The following TMED7 variants were observed in gnomAD, a reference collection of about 807,000 sequenced individuals.
TMED7 encodes transmembrane p24 trafficking protein 7.
In TMED7, 8 loss-of-function variants were observed where a neutral mutation model predicts 23.4. The observed-to-expected ratio is 0.34, with a 90% CI of 0.20 to 0.62. TMED7 has a LOEUF of 0.62. Among genes scored for constraint, TMED7 ranks in the 20% least tolerant of loss-of-function variants. The probability of loss-of-function intolerance (pLI) is 0.77; values close to 1 mark genes in which losing one functional copy is unlikely to be tolerated. For synonymous variants in TMED7, 121 were observed against 108.5 expected (o/e 1.12, Z -0.72); for missense variants, 232 against 279.1 (o/e 0.83, Z 1.20).
intron 2 of TMED7, among the ~76,000 whole-genome samples, chr5:115,619,527 G>A (rs1403236454): frequency 1.3e-5 from 2 of 152,116 alleles, no homozygotes; most frequent in Admixed American, 6.5e-5. Flanking sequence ...TATCCAAAAT[G>A]TTTGGGACCA....
rs1756557487 is a variant in TMED7 at position 115,613,583 on chromosome 5, G to A, written c.*2626C>T. The A allele has an allele frequency of 6.6e-6, 1 of 151,948 alleles. No homozygotes were observed. Among genetic ancestry groups the A allele is most frequent in the Non-Finnish European group, 1.5e-5 (1 of 67,910 alleles). 9.4% of individuals were successfully genotyped at this position (151,948 alleles called of 1,614,324 possible). ...AAGAAATTTCTTTTCAAAAGTAAAT[G>A]AAAAACCCCTCTGAATTATTTATAT... On this transcript the variant is annotated 3_prime_UTR_variant, in exon 3 of 3. Transcript: ENST00000456936.
intron 2 of TMED7, among the ~76,000 whole-genome samples, chr5:115,617,976 T>C (rs1756852190): frequency 6.6e-6 from 1 of 152,204 alleles, no homozygotes; most frequent in Non-Finnish European, 1.5e-5. Context: ...GTATTTTTAG[T>C]AGAAACAGGG....
chr5:115,625,451 A>G, intron 1 of TMED7, 150 bp downstream of exon 1: 3 of 873,290 alleles, frequency 3.4e-6, no homozygotes, highest in Non-Finnish European at 4.8e-6. Flanking sequence ...TATTAGAGGA[A>G]AGTCAAATGC....
chr5:115,625,603 G>A lies in TMED7; in HGVS notation c.190C>T (p.Gln64Ter). 1 of 1,580,420 alleles carries A rather than the reference G, an allele frequency of 6.3e-7. No individual in the cohort carries two copies. The highest frequency in any genetic ancestry group is 8.6e-7 in the Non-Finnish European group (1 of 1,163,278). The change falls in exon 1 of 3, where the codon CAG (glutamine) becomes TAG (stop). Residue 64 changes from glutamine (Q) to a stop codon, truncating the protein, a stop_gained and splice_region_variant. Coordinates refer to ENST00000456936, the MANE Select transcript of TMED7 (RefSeq NM_181836.6). LOFTEE classifies it high-confidence loss of function. ...AQGTKCTLEF[Q>*]VITGGHYDVD... Reference sequence around the variant, plus strand: ...AGGGACTGCTAGGCCCCTGATACCTGGAACTCCAGGGTGCACTTGGTGCCC... The same window carrying A: ...AGGGACTGCTAGGCCCCTGATACCTAGAACTCCAGGGTGCACTTGGTGCCC...
chr5:115,625,708 G>GC lies in TMED7; in HGVS notation c.84dup (p.Pro29AlafsTer8). The GC allele has an allele frequency of 6.2e-7, 1 of 1,601,860 alleles. No homozygotes were observed. Among genetic ancestry groups the GC allele is most frequent in the Non-Finnish European group, 8.5e-7 (1 of 1,175,420 alleles). ...ATCTCAGAGGCGCCGCCGGGTCCAG[G>GC]CACCAGTAGCAGCAGTGCGAGCAGC... On this transcript the variant is annotated frameshift_variant, in exon 1 of 3. Transcript: ENST00000456936. LOFTEE classifies it high-confidence loss of function.
intron 1 of TMED7, among the ~76,000 whole-genome samples, chr5:115,622,714 A>G (rs1757073547): frequency 1.3e-5 from 2 of 152,130 alleles, no homozygotes; most frequent in South Asian, 2.1e-4. Flanking sequence ...ACTTTTTGAT[A>G]ATTACCTGTG....
chr5:115,615,354 T>C lies in TMED7; in HGVS notation c.*855A>G, dbSNP rs746877565. ...GAATGACTCACAGACATTAAAGTCA[T>C]ATAAGGGCAAGAGCTAGCCAATTAA... On this transcript the variant is annotated 3_prime_UTR_variant, in exon 3 of 3. Transcript: ENST00000456936. 6.6e-6 allele frequency: 1 copy of C among 152,626 alleles called. No homozygotes were observed. Among genetic ancestry groups the C allele is most frequent in the Non-Finnish European group, 1.5e-5 (1 of 67,996 alleles). The allele number at this position is 152,626 out of a possible 1,614,324, so 9.5% of individuals were successfully genotyped here. A position where few individuals can be genotyped will look rare whatever the true frequency, so the allele number is the denominator to read the frequency against.
At chr5:115,622,709 T>A (rs11957723) in intron 1 of TMED7, among the ~76,000 whole-genome samples, 3 of 152,192 alleles carry the variant, frequency 2.0e-5, no homozygotes, top group African/African-American at 7.2e-5. Flanking sequence ...TAAAAACTTT[T>A]TGATAATTAC....
intron 2 of TMED7, among the ~76,000 whole-genome samples, chr5:115,618,663 G>A (rs974848620): frequency 5.3e-5 from 8 of 152,070 alleles, no homozygotes; most frequent in African/African-American, 1.4e-4. Context: ...GGGTGGGAAC[G>A]TCTAGTAGTC....
At position 115,615,865 on chromosome 5, in the gene TMED7, A is replaced by G. The variant is rs2112564434; in HGVS notation, c.*344T>C. ...TAGACATTAAATCTAAAGTTTTTAA[A>G]ATATCAACTACCTATAAGAAAAGTA... is the stretch of plus-strand genomic sequence containing the variant. On this transcript the variant is annotated 3_prime_UTR_variant, in exon 3 of 3. Coordinates refer to ENST00000456936, the MANE Select transcript of TMED7 (RefSeq NM_181836.6). 3.9e-6 allele frequency: 1 copy of G among 258,572 alleles called. No homozygotes were observed. Among genetic ancestry groups the G allele is most frequent in the East Asian group, 9.1e-5 (1 of 10,970 alleles). The allele number at this position is 258,572 out of a possible 1,614,324, so 16.0% of individuals were successfully genotyped here.
chr5:115,615,958 C>T lies in TMED7; in HGVS notation c.*251G>A, dbSNP rs1561588030. 6.1e-6 allele frequency: 3 copies of T among 488,538 alleles called. No individual in the cohort carries two copies. Among genetic ancestry groups the T allele is most frequent in the South Asian group, 2.7e-5 (1 of 36,880 alleles). The allele number at this position is 488,538 out of a possible 1,614,324, so 30.3% of individuals were successfully genotyped here. A position where few individuals can be genotyped will look rare whatever the true frequency, so the allele number is the denominator to read the frequency against. On this transcript the variant is annotated 3_prime_UTR_variant, in exon 3 of 3. Transcript: ENST00000456936. ...TGCGAAGAGTAGATATAAACAACTGCGAACAGAGTAGATCATTGGTGTTGA... is the reference window on the plus strand; with the variant it reads ...TGCGAAGAGTAGATATAAACAACTGTGAACAGAGTAGATCATTGGTGTTGA...
At chr5:115,620,381 CT>C (rs35139289) in intron 2 of TMED7, 53 bp downstream of exon 2, 1 of 1,436,746 alleles carries the variant, frequency 7.0e-7, no homozygotes, top group South Asian at 1.7e-5. Context: ...TTAAATTATG[CT>C]TTTTTCCTCC....
chr5:115,619,597 A>G (rs996460905), intron 2 of TMED7, among the ~76,000 whole-genome samples: 1 of 152,102 alleles, frequency 6.6e-6, no homozygotes, highest in Non-Finnish European at 1.5e-5. Context: ...ACATAATGAG[A>G]TATCTTTGTG....
chr5:115,625,455 C>G (rs372763606), intron 1 of TMED7, 146 bp downstream of exon 1: 2 of 946,416 alleles, frequency 2.1e-6, no homozygotes. Context: ...AGAGGAAAGT[C>G]AAATGCTGGG....
At chr5:115,624,574 C>G (rs1242555156) in intron 1 of TMED7, among the ~76,000 whole-genome samples, 3 of 152,198 alleles carry the variant, frequency 2.0e-5, no homozygotes, top group African/African-American at 7.2e-5. Context: ...GCTTCCTACA[C>G]TTTCAGGAAA....
intron 2 of TMED7, among the ~76,000 whole-genome samples, chr5:115,619,503 G>C (rs1019613637): frequency 6.6e-6 from 1 of 152,042 alleles, no homozygotes; most frequent in Non-Finnish European, 1.5e-5. Context: ...AGCCCATACA[G>C]GTTGAGTATC....
At chr5:115,622,458 C>T (rs1322845757) in intron 1 of TMED7, among the ~76,000 whole-genome samples, 2 of 152,170 alleles carry the variant, frequency 1.3e-5, no homozygotes, top group Non-Finnish European at 2.9e-5. Context: ...TCCCACTACC[C>T]AATATCTTCT....
chr5:115,618,062 G>A (rs924612421), intron 2 of TMED7, among the ~76,000 whole-genome samples: 20 of 152,302 alleles, frequency 1.3e-4, no homozygotes, highest in South Asian at 4.1e-4. Flanking sequence ...AAAGTGCTGG[G>A]ATTACAGGCG....
Position 115,620,434 on chromosome 5 carries a change from C to G in TMED7, c.438+1G>C. On this transcript the variant is annotated splice_donor_variant, in intron 2 of 2. Transcript: ENST00000456936. LOFTEE classifies it high-confidence loss of function. ...ATTATATTGCTGATTTTTTTATTTA[C>G]CTGGGTAAGAGCACTGACTCGGTTC... The G allele has an allele frequency of 6.8e-7, 1 of 1,475,444 alleles. No individual in the cohort carries two copies. The highest frequency in any genetic ancestry group is 1.4e-5 in the African/African-American group (1 of 69,138). The allele number at this position is 1,475,444 out of a possible 1,614,324, so 91.4% of individuals were successfully genotyped here. A position where few individuals can be genotyped will look rare whatever the true frequency, so the allele number is the denominator to read the frequency against.
Sources: allele counts gnomAD v4.1 joint callset (sites outside exome capture counted in the v4.1 genomes callset), GRCh38; gene constraint gnomAD v4.1.1; transcripts MANE v1.5; gene names NCBI Gene and HGNC (gene_info 2026-07-23, HGNC 2026-07-21).